Variants in GRID1 observed in about 807,000 individuals in gnomAD.
The protein encoded by GRID1 is glutamate ionotropic receptor delta type subunit 1.
GRID1 carries 28 observed loss-of-function variants against 98.0 expected under a neutral mutation model. That is an observed-to-expected ratio of 0.29 (90% CI 0.21 to 0.39). GRID1 has a LOEUF of 0.39. GRID1 is among the 10% of genes least tolerant of loss of function. GRID1 has a pLI of 1.00. For missense variants in GRID1, 1,111 were observed against 1,340.5 expected (o/e 0.83, Z 2.67); for synonymous variants, 553 against 538.5 (o/e 1.03, Z -0.37).
chr10:86,044,257 T>C (rs915026293), intron 4 of GRID1, among the ~76,000 whole-genome samples: 1 of 152,230 alleles, frequency 6.6e-6, no homozygotes, highest in Non-Finnish European at 1.5e-5. Context: ...CATTGCATTG[T>C]TTATTTTTAA....
intron 3 of GRID1, among the ~76,000 whole-genome samples, chr10:86,175,373 G>A (rs1439851096): frequency 6.6e-6 from 1 of 150,600 alleles, no homozygotes; most frequent in African/African-American, 2.4e-5. Flanking sequence ...AGAAAGTGGT[G>A]GCCTAAGTTA....
At chr10:85,879,881 T>C (rs1192338910) in intron 5 of GRID1, among the ~76,000 whole-genome samples, 1 of 151,914 alleles carries the variant, frequency 6.6e-6, no homozygotes, top group Non-Finnish European at 1.5e-5. Flanking sequence ...CTAGCAAGAC[T>C]AATAAAGAAG....
chr10:86,241,782 C>G (rs58205988), intron 2 of GRID1, among the ~76,000 whole-genome samples: 8,479 of 152,278 alleles, frequency 0.056, 667 homozygotes, highest in African/African-American at 0.17. Context: ...ACCACTGCCC[C>G]TGGGAGGCCA....
intron 8 of GRID1, among the ~76,000 whole-genome samples, chr10:85,794,108 G>C (rs1005137049): frequency 6.6e-6 from 1 of 152,168 alleles, no homozygotes; most frequent in South Asian, 2.1e-4. Context: ...TGGAAATGCT[G>C]AATTAATCTC....
intron 4 of GRID1, among the ~76,000 whole-genome samples, chr10:85,979,093 C>G (rs1207152991): frequency 6.6e-6 from 1 of 152,078 alleles, no homozygotes; most frequent in East Asian, 1.9e-4. Context: ...TAATAAAGGC[C>G]AAGGACATAG....
At chr10:85,798,316 T>C (rs1011343628) in intron 8 of GRID1, among the ~76,000 whole-genome samples, 28 of 152,060 alleles carry the variant, frequency 1.8e-4, no homozygotes, top group African/African-American at 6.3e-4. Context: ...GCAATTCTAA[T>C]AAAAAGAAAA....
chr10:85,672,310 T>C (rs1443300742), intron 12 of GRID1, among the ~76,000 whole-genome samples: 1 of 152,206 alleles, frequency 6.6e-6, no homozygotes, highest in Non-Finnish European at 1.5e-5. Flanking sequence ...CAATCTACTA[T>C]TTCTGTGCTT....
At chr10:86,183,276 C>G (rs1223575843) in intron 3 of GRID1, among the ~76,000 whole-genome samples, 2 of 152,098 alleles carry the variant, frequency 1.3e-5, no homozygotes, top group East Asian at 3.9e-4. Flanking sequence ...CATGTTGTTG[C>G]TTGTACCAAT....
At chr10:86,344,868 C>T (rs1848360409) in intron 2 of GRID1, among the ~76,000 whole-genome samples, 1 of 152,222 alleles carries the variant, frequency 6.6e-6, no homozygotes, top group Admixed American at 6.5e-5. Flanking sequence ...GGGAACTGCC[C>T]AGCCAAGCTG....
At chr10:85,981,803 GT>G (rs1276722956) in intron 4 of GRID1, among the ~76,000 whole-genome samples, 2 of 152,168 alleles carry the variant, frequency 1.3e-5, no homozygotes, top group African/African-American at 4.8e-5. Flanking sequence ...AGCCTCTTTT[GT>G]TACAAATGCC....
chr10:85,813,089 T>C (rs1842686946), intron 8 of GRID1, among the ~76,000 whole-genome samples: 1 of 151,814 alleles, frequency 6.6e-6, no homozygotes, highest in South Asian at 2.1e-4. Flanking sequence ...TCAGAGCCTC[T>C]AGGACTCTAC....
chr10:86,100,497 T>C (rs1844281926), intron 4 of GRID1, among the ~76,000 whole-genome samples: 1 of 151,966 alleles, frequency 6.6e-6, no homozygotes, highest in Non-Finnish European at 1.5e-5. Flanking sequence ...GATTAATCAA[T>C]GAAATGTATA....
At chr10:85,938,520 T>C (rs1016566109) in intron 4 of GRID1, among the ~76,000 whole-genome samples, 1 of 152,200 alleles carries the variant, frequency 6.6e-6, no homozygotes, top group African/African-American at 2.4e-5. Context: ...ACAACAACGC[T>C]ATGGGGTAGT....
intron 4 of GRID1, among the ~76,000 whole-genome samples, chr10:86,058,757 A>C (rs1843609383): frequency 6.6e-6 from 1 of 152,174 alleles, no homozygotes. Context: ...CATGCAGCAA[A>C]TATTTTCTTG....
At chr10:85,638,075 A>T (rs1843071752) in intron 13 of GRID1, among the ~76,000 whole-genome samples, 1 of 152,208 alleles carries the variant, frequency 6.6e-6, no homozygotes, top group African/African-American at 2.4e-5. Context: ...TATAAGTTTT[A>T]ACATTAAGAA....
chr10:86,179,631 G>A (rs1564698948), intron 3 of GRID1, among the ~76,000 whole-genome samples: 1 of 152,126 alleles, frequency 6.6e-6, no homozygotes, highest in Non-Finnish European at 1.5e-5. Context: ...TGCTCCAACT[G>A]GCCACGGGAC....
At chr10:85,726,363 A>G (rs1275783963) in intron 10 of GRID1, among the ~76,000 whole-genome samples, 1 of 152,210 alleles carries the variant, frequency 6.6e-6, no homozygotes, top group Non-Finnish European at 1.5e-5. Context: ...AGATTCTGGC[A>G]GTACTGAAGG....
intron 4 of GRID1, among the ~76,000 whole-genome samples, chr10:86,073,153 A>T (rs1843828309): frequency 6.6e-6 from 1 of 152,260 alleles, no homozygotes; most frequent in African/African-American, 2.4e-5. Context: ...CAGATATTGC[A>T]GTAAGTGAAA....
At chr10:85,807,536 G>A (rs1440161338) in intron 8 of GRID1, among the ~76,000 whole-genome samples, 2 of 151,912 alleles carry the variant, frequency 1.3e-5, no homozygotes, top group African/African-American at 4.8e-5. Context: ...TAATCAGTTA[G>A]AAAGAGATAA....
Sources: allele counts gnomAD v4.1 joint callset (sites outside exome capture counted in the v4.1 genomes callset), GRCh38; gene constraint gnomAD v4.1.1; transcripts MANE v1.5; gene names NCBI Gene and HGNC (gene_info 2026-07-23, HGNC 2026-07-21).